The following ABCB4 variants were observed in gnomAD, a reference collection of about 807,000 sequenced individuals.
ABCB4 encodes the protein phosphatidylcholine translocator ABCB4.
ABCB4 carries 76 observed loss-of-function variants against 145.7 expected under a neutral mutation model. The ratio of observed to expected loss-of-function variants is 0.52; its 90% CI spans 0.43 to 0.63. The LOEUF is 0.63. Ranked by LOEUF, ABCB4 falls within the 30% of genes least tolerant of loss-of-function variation. The probability of loss-of-function intolerance (pLI) is 0.00; values close to 1 mark genes in which losing one functional copy is unlikely to be tolerated. For synonymous variants in ABCB4, 517 were observed against 566.8 expected (o/e 0.91, Z 1.25); for missense variants, 1,234 against 1,553.1 (o/e 0.79, Z 3.45).
chr7:87,405,741 G>T (rs140413342), intron 26 of ABCB4, among the ~76,000 whole-genome samples: 1 of 151,992 alleles, frequency 6.6e-6, no homozygotes, highest in Non-Finnish European at 1.5e-5. Flanking sequence ...CTTAATTAGT[G>T]GATCTATGAA....
intron 20 of ABCB4, among the ~76,000 whole-genome samples, chr7:87,417,817 T>C (rs1205520164): frequency 1.3e-5 from 2 of 152,244 alleles, no homozygotes; most frequent in African/African-American, 4.8e-5. Context: ...ATAGATGCAA[T>C]GTTCAAAGAG....
the ABCB4 span, among the ~76,000 whole-genome samples, chr7:87,368,726 G>A: frequency 6.6e-6 from 1 of 152,090 alleles, no homozygotes; most frequent in East Asian, 1.9e-4. Context: ...GATCACATAA[G>A]AAGATCCTTG....
intron 3 of ABCB4, 70 bp downstream of exon 3, chr7:87,472,551 G>A: frequency 1.5e-6 from 2 of 1,312,808 alleles, no homozygotes; most frequent in Non-Finnish European, 2.2e-6. Context: ...TTGCTTTAAA[G>A]GTAATTGATT....
In ABCB4 at chr7:87,402,213, T is replaced by G. The variant is rs777945766; in HGVS notation, c.3723A>C (p.Leu1241Phe). 1.2e-6 allele frequency: 2 copies of G among 1,614,096 alleles called. No individual in the cohort carries two copies. The highest frequency in any genetic ancestry group is 2.7e-5 in the African/African-American group (2 of 75,034). ...CTCTCCCATTCTGAAACACCACTAT[T>G]AAGTCTGCATTCTGGATGGTGGACA... ...HRLSTIQNADLIVVFQNGRVK... is the reference protein window; with the variant it reads ...HRLSTIQNADFIVVFQNGRVK... Residue 1241 changes from leucine to phenylalanine, a missense_variant, in exon 28 of 28, where the codon TTA (leucine) becomes TTC (phenylalanine). By Grantham distance (22) the Leu-to-Phe change is conservative. Transcript: ENST00000649586.
chr7:87,409,260 G>A lies in ABCB4; in HGVS notation c.3057C>T (p.Ser1019=), dbSNP rs538954855. The A allele has an allele frequency of 6.2e-7, 1 of 1,614,068 alleles. No individual in the cohort carries two copies. The highest frequency in any genetic ancestry group is 8.5e-7 in the Non-Finnish European group (1 of 1,179,978). Residue 1019 remains serine (S), a synonymous_variant, in exon 24 of 28, where the codon AGC becomes AGT. Coordinates refer to ENST00000649586, the MANE Select transcript of ABCB4 (RefSeq NM_000443.4). ...CAGGCTTCAGCCCCTCTTCACTGTA[G>A]CTGTCAATCAGAGGTTGTCTTTCAA... ...MLFERQPLID[S]YSEEGLKPDK... is the part of the protein sequence containing the mutation.
intron 8 of ABCB4, among the ~76,000 whole-genome samples, chr7:87,447,936 A>G (rs535383509): frequency 6.6e-6 from 1 of 152,236 alleles, no homozygotes; most frequent in South Asian, 2.1e-4. Context: ...GTTCATAGTT[A>G]GCAAGCCTGA....
chr7:87,436,140 G>C (rs1810593032), intron 14 of ABCB4, among the ~76,000 whole-genome samples: 1 of 152,138 alleles, frequency 6.6e-6, no homozygotes. Context: ...ATCAGCTAAA[G>C]AATGAGCTAC....
intron 14 of ABCB4, among the ~76,000 whole-genome samples, chr7:87,436,888 T>G (rs1288854599): frequency 2.0e-5 from 3 of 152,186 alleles, no homozygotes; most frequent in Non-Finnish European, 4.4e-5. Flanking sequence ...ATAACTTGTC[T>G]TTTTCATAGG....
intron 15 of ABCB4, among the ~76,000 whole-genome samples, chr7:87,429,396 A>G (rs765603791): frequency 6.6e-6 from 1 of 152,250 alleles, no homozygotes; most frequent in Non-Finnish European, 1.5e-5. Flanking sequence ...ACAGATTTCT[A>G]TCATGCCAGA....
At chr7:87,470,965 A>T (rs1728488269) in intron 3 of ABCB4, among the ~76,000 whole-genome samples, 1 of 152,176 alleles carries the variant, frequency 6.6e-6, no homozygotes, top group African/African-American at 2.4e-5. Flanking sequence ...CTTGGAACCA[A>T]CCCAAATGTC....
chr7:87,452,883 G>T, intron 6 of ABCB4, 61 bp downstream of exon 6: 2 of 1,550,568 alleles, frequency 1.3e-6, no homozygotes, highest in Non-Finnish European at 1.8e-6. Flanking sequence ...ATCTTTCCTT[G>T]ACATATTTTC....
chr7:87,409,883 T>C (rs1282373222), intron 23 of ABCB4, among the ~76,000 whole-genome samples: 1 of 152,190 alleles, frequency 6.6e-6, no homozygotes, highest in Non-Finnish European at 1.5e-5. Context: ...ATAATCATCA[T>C]CACTGTAAAT....
At chr7:87,469,431 T>C (rs1813194079) in intron 3 of ABCB4, among the ~76,000 whole-genome samples, 2 of 152,226 alleles carry the variant, frequency 1.3e-5, no homozygotes, top group Non-Finnish European at 2.9e-5. Context: ...GAAGTAAAAC[T>C]GTCCCTGTTT....
chr7:87,440,623 C>T (rs374958970), intron 12 of ABCB4, among the ~76,000 whole-genome samples: 4 of 152,196 alleles, frequency 2.6e-5, no homozygotes, highest in Admixed American at 6.5e-5. Context: ...GGATTATTTG[C>T]CATAAACAAT....
Position 87,460,796 on chromosome 7 carries a change from T to C in ABCB4, c.286+1962A>G, listed in dbSNP as rs1025890210. On this transcript the variant is annotated intron_variant, in intron 4 of 27. Transcript: ENST00000649586. ...TTCCCAAGTAGCTGGTGATTTCGTA[T>C]TTTTTATAGGTGTGTAGTATTCCAT... Among the ~76,000 whole-genome samples the C allele has an allele frequency of 2.3e-4, 35 of 151,902 alleles. 1 individual carries two copies. The highest frequency in any genetic ancestry group is 3.4e-4 in the Non-Finnish European group (23 of 67,962).
In ABCB4 at chr7:87,443,763, A is replaced by G. The variant is rs1172206458; in HGVS notation, c.1130T>C (p.Ile377Thr). 1.9e-6 allele frequency: 3 copies of G among 1,612,576 alleles called. No individual in the cohort carries two copies. Among genetic ancestry groups the G allele is most frequent in the Non-Finnish European group, 2.5e-6 (3 of 1,178,716 alleles). Residue 377 changes from isoleucine (I) to threonine (T), a missense_variant, in exon 11 of 28, where the codon ATT becomes ACT. By Grantham distance (89) the Ile-to-Thr change is moderately conservative. Around this residue, in one of 7 missense-constraint regions of ABCB4, gnomAD observed 467 missense variants for 632.8 expected, o/e 0.74. Coordinates refer to ENST00000649586, the MANE Select transcript of ABCB4 (RefSeq NM_000443.4). Reference sequence around the variant, plus strand: ...GTGTCCTCTCTCTGAAAAACTGTCAATTTTAGGATTCTAAATAAAACAAAA... The same window carrying G: ...GTGTCCTCTCTCTGAAAAACTGTCAGTTTTAGGATTCTAAATAAAACAAAA... The part of the protein sequence containing the change: ...IFDIIDNNPK[I>T]DSFSERGHKP...
At chr7:87,410,008 C>A (rs188332678) in intron 23 of ABCB4, among the ~76,000 whole-genome samples, 1 of 152,170 alleles carries the variant, frequency 6.6e-6, no homozygotes, top group East Asian at 1.9e-4. Flanking sequence ...GTCTGTACAC[C>A]AAACCCCCAT....
chr7:87,450,042 G>T lies in ABCB4; in HGVS notation c.759C>A (p.Gly253=). The change falls in exon 8 of 28, where the codon GGC becomes GGA. Residue 253 remains glycine, a synonymous_variant. Transcript: ENST00000649586. ...CCCCCAGAGCCTCTTCTGCCACGGC[G>T]CCTGCTTTTGCATAAGCAGCTAGTT... is the stretch of plus-strand genomic sequence containing the variant. ...DKELAAYAKA[G]AVAEEALGAI... The T allele has an allele frequency of 6.2e-7, 1 of 1,614,102 alleles. No homozygotes were observed. Among genetic ancestry groups the T allele is most frequent in the Non-Finnish European group, 8.5e-7 (1 of 1,180,010 alleles).
intron 5 of ABCB4, among the ~76,000 whole-genome samples, chr7:87,454,129 G>A (rs547998748): frequency 1.4e-4 from 22 of 152,074 alleles, no homozygotes; most frequent in Non-Finnish European, 2.5e-4. Flanking sequence ...GACAGCACTC[G>A]TTACAATCAG....
Sources: gnomAD v4.1 joint callset for allele counts (sites outside exome capture counted in the v4.1 genomes callset) on GRCh38, gnomAD v4.1.1 for gene constraint, gnomAD v4.1.1 regional missense constraint, MANE v1.5 for transcripts, NCBI Gene and HGNC (gene_info 2026-07-23, HGNC 2026-07-21) for gene names.